CCDC7: variants seen among roughly 807,000 people sequenced by gnomAD.
The protein encoded by CCDC7 is coiled-coil domain containing 7.
In CCDC7, 183 loss-of-function variants were observed where a neutral mutation model predicts 196.9. The ratio of observed to expected loss-of-function variants is 0.93; its 90% confidence interval spans 0.82 to 1.05. CCDC7 has a LOEUF of 1.05. Ranked by LOEUF, CCDC7 falls within the 50% of genes least tolerant of loss-of-function variation. The pLI is 0.00. For missense variants in CCDC7, 1,540 were observed against 1,482.2 expected (o/e 1.04, Z -0.64); for synonymous variants, 525 against 484.6 (o/e 1.08, Z -1.10).
At chr10:32,682,704 G>A (rs1242760426) in intron 21 of CCDC7, among the ~76,000 whole-genome samples, 1 of 152,054 alleles carries the variant, frequency 6.6e-6, no homozygotes, top group Non-Finnish European at 1.5e-5. Flanking sequence ...GGTGTGAGAT[G>A]GTATCTCATT....
chr10:32,503,389 T>C (rs1044100494), intron 9 of CCDC7, among the ~76,000 whole-genome samples: 3 of 152,220 alleles, frequency 2.0e-5, no homozygotes, highest in African/African-American at 7.2e-5. Flanking sequence ...TTTTTCTGCA[T>C]CTTATGATCA....
chr10:32,803,968 T>C (rs1176199170), intron 29 of CCDC7, among the ~76,000 whole-genome samples: 1 of 152,156 alleles, frequency 6.6e-6, no homozygotes, highest in Non-Finnish European at 1.5e-5. Context: ...TATAGTATGA[T>C]ATACACTCCT....
chr10:32,478,638 C>T (rs902061650), intron 8 of CCDC7, among the ~76,000 whole-genome samples: 4 of 152,234 alleles, frequency 2.6e-5, no homozygotes, highest in East Asian at 3.9e-4. Flanking sequence ...ACTAGCCTTA[C>T]GTACCTGGAA....
intron 41 of CCDC7, among the ~76,000 whole-genome samples, chr10:32,859,266 A>G (rs932613426): frequency 1.3e-5 from 2 of 152,184 alleles, no homozygotes; most frequent in Non-Finnish European, 1.5e-5. Context: ...TAAGAAACTC[A>G]CTCAAAACCA....
intron 21 of CCDC7, among the ~76,000 whole-genome samples, chr10:32,674,237 T>A (rs1173678336): frequency 6.6e-6 from 1 of 151,996 alleles, no homozygotes; most frequent in Non-Finnish European, 1.5e-5. Context: ...TTCCTTATGG[T>A]ACTGCTTTTG....
At chr10:32,727,951 T>C (rs544644824) in intron 26 of CCDC7, among the ~76,000 whole-genome samples, 2 of 152,298 alleles carry the variant, frequency 1.3e-5, no homozygotes, top group African/African-American at 4.8e-5. Flanking sequence ...TTGTGATTCA[T>C]AGGGCTGCTC....
intron 18 of CCDC7, among the ~76,000 whole-genome samples, chr10:32,626,112 A>G (rs2064007472): frequency 6.6e-6 from 1 of 151,986 alleles, no homozygotes; most frequent in Non-Finnish European, 1.5e-5. Context: ...TCATATGGTG[A>G]TTCTATTTTT....
intron 29 of CCDC7, among the ~76,000 whole-genome samples, chr10:32,780,437 AT>A (rs1374461512): frequency 1.3e-5 from 2 of 152,190 alleles, no homozygotes; most frequent in Non-Finnish European, 2.9e-5. Flanking sequence ...ATAATTACAA[AT>A]TTATGTTATG....
intron 24 of CCDC7, among the ~76,000 whole-genome samples, chr10:32,701,928 C>T (rs1244469548): frequency 6.6e-6 from 1 of 152,036 alleles, no homozygotes; most frequent in Non-Finnish European, 1.5e-5. Context: ...ATTAGTCTTG[C>T]TCTAGCGGTC....
chr10:32,591,783 G>T (rs186464002), intron 18 of CCDC7, among the ~76,000 whole-genome samples: 261 of 152,220 alleles, frequency 1.7e-3, no homozygotes, highest in Middle Eastern at 0.014. Flanking sequence ...GGTGAATGCT[G>T]CCAGGCCTGG....
At chr10:32,569,954 G>GTT (rs1213860304) in intron 15 of CCDC7, among the ~76,000 whole-genome samples, 2 of 151,956 alleles carry the variant, frequency 1.3e-5, no homozygotes, top group Non-Finnish European at 2.9e-5. Flanking sequence ...TCTGGGTTTT[G>GTT]TCCTAGAGTT....
intron 31 of CCDC7, among the ~76,000 whole-genome samples, chr10:32,816,548 T>C (rs1447852072): frequency 1.3e-5 from 2 of 152,178 alleles, no homozygotes; most frequent in Non-Finnish European, 2.9e-5. Context: ...CTCAAGTGGG[T>C]TCCTGACCCT....
chr10:32,805,067 T>C (rs1472433863), exon 30 of CCDC7: 2 of 1,612,034 alleles, frequency 1.2e-6, no homozygotes, highest in Non-Finnish European at 1.7e-6. Flanking sequence ...TATTAAATGA[T>C]GAATTCAAGA....
chr10:32,529,134 G>GTGTGTGTGTATGTGT (rs2049221877), intron 11 of CCDC7, among the ~76,000 whole-genome samples: 1 of 152,058 alleles, frequency 6.6e-6, no homozygotes, highest in African/African-American at 2.4e-5. Context: ...TGATTCTCCT[G>GTGTGTGTGTATGTGT]CCTTGGCCTC....
At chr10:32,610,926 G>C (rs2062056276) in intron 18 of CCDC7, among the ~76,000 whole-genome samples, 1 of 152,234 alleles carries the variant, frequency 6.6e-6, no homozygotes, top group East Asian at 1.9e-4. Context: ...ACAATCCTTT[G>C]AGTATATACC....
At chr10:32,695,578 G>A (rs769487745) in intron 24 of CCDC7, among the ~76,000 whole-genome samples, 2 of 152,180 alleles carry the variant, frequency 1.3e-5, no homozygotes, top group Non-Finnish European at 2.9e-5. Context: ...TTGGGGCTAA[G>A]AGTGACTAAA....
At chr10:32,472,684 TC>T in intron 7 of CCDC7, 142 bp downstream of exon 8, 1 of 716,104 alleles carries the variant, frequency 1.4e-6, no homozygotes, top group Non-Finnish European at 2.0e-6. Flanking sequence ...AGCCTCAAAC[TC>T]TTGGGCTCAA....
At chr10:32,690,794 G>T (rs2076992537) in intron 23 of CCDC7, among the ~76,000 whole-genome samples, 1 of 152,186 alleles carries the variant, frequency 6.6e-6, no homozygotes, top group Non-Finnish European at 1.5e-5. Context: ...TCAGGGACTG[G>T]GATGAATGCA....
chr10:32,456,538 A>G (rs2034397699), intron 3 of CCDC7, among the ~76,000 whole-genome samples: 2 of 152,146 alleles, frequency 1.3e-5, no homozygotes, highest in Non-Finnish European at 2.9e-5. Flanking sequence ...CCAAATGCAA[A>G]GATTATGCCA....
Sources: allele counts gnomAD v4.1 joint callset (sites outside exome capture counted in the v4.1 genomes callset), GRCh38; gene constraint gnomAD v4.1.1; transcripts MANE v1.5; gene names NCBI Gene and HGNC (gene_info 2026-07-23, HGNC 2026-07-21).